The following MTA3 variants were observed in gnomAD, a reference collection of about 807,000 sequenced individuals.
The protein encoded by MTA3 is metastasis-associated protein MTA3.
Under a neutral mutation model 83.5 loss-of-function variants are expected in MTA3, and 34 were observed. The ratio of observed to expected loss-of-function variants is 0.41; its 90% CI spans 0.31 to 0.54. The LOEUF is 0.54. MTA3 is among the 20% of genes least tolerant of loss of function. MTA3 has a pLI of 0.33. For synonymous variants in MTA3, 303 were observed against 252.7 expected (o/e 1.20, Z -1.89); for missense variants, 761 against 726.4 (o/e 1.05, Z -0.55).
rs1196568721 is a variant in MTA3, at chr2:42,754,771, A to G, written c.*1372A>G. On this transcript the variant is annotated 3_prime_UTR_variant, in exon 17 of 17. Coordinates refer to ENST00000405094, the MANE Select transcript of MTA3 (RefSeq NM_001330442.2). Reference sequence around the variant, plus strand: ...TGCAAGACAGAGTGGCTACAATTGAATTGACACCCTGGGAAGCACGAGGTA... The same window carrying G: ...TGCAAGACAGAGTGGCTACAATTGAGTTGACACCCTGGGAAGCACGAGGTA... 1 of 985,382 alleles carries G rather than the reference A, an allele frequency of 1.0e-6. No individual in the cohort carries two copies. The highest frequency in any genetic ancestry group is 1.2e-6 in the Non-Finnish European group (1 of 829,982). 61.0% of individuals were successfully genotyped at this position (985,382 alleles called of 1,614,324 possible). A position where few individuals can be genotyped will look rare whatever the true frequency, so the allele number is the denominator to read the frequency against.
intron 15 of MTA3, among the ~76,000 whole-genome samples, chr2:42,721,384 A>G (rs181118694): frequency 6.0e-5 from 9 of 150,916 alleles, no homozygotes; most frequent in East Asian, 1.9e-4. Context: ...CTGGAATACA[A>G]TGTCTCCATC....
chr2:42,590,387 C>CT (rs1177976726), intron 3 of MTA3, among the ~76,000 whole-genome samples: 3 of 152,132 alleles, frequency 2.0e-5, no homozygotes, highest in Admixed American at 2.0e-4. Flanking sequence ...ACCTTGCTTC[C>CT]TTTCTTGCCA....
intron 2 of MTA3, among the ~76,000 whole-genome samples, chr2:42,526,905 T>C (rs998083754): frequency 6.6e-6 from 1 of 151,576 alleles, no homozygotes; most frequent in African/African-American, 2.4e-5. Flanking sequence ...ATAACAAAAA[T>C]TAGCTGAGTG....
At position 42,684,848 on chromosome 2, in the gene MTA3, C is replaced by T. The variant is rs988116652; in HGVS notation, c.891+2259C>T. Among the ~76,000 whole-genome samples, 15 of 152,176 alleles carry T rather than the reference C, an allele frequency of 9.9e-5. 1 individual carries two copies. Among genetic ancestry groups the T allele is most frequent in the Non-Finnish European group, 1.5e-5 (1 of 68,034 alleles). On this transcript the variant is annotated intron_variant, in intron 9 of 16. Coordinates refer to ENST00000405094, the MANE Select transcript of MTA3 (RefSeq NM_001330442.2). The stretch of plus-strand genomic sequence containing the variant: ...CATGCAACAAAAATTGAATGTGGTC[C>T]TTACTTCAAGGAATTAGTTCACAGT...
intron 2 of MTA3, among the ~76,000 whole-genome samples, chr2:42,497,749 G>A (rs1674213075): frequency 6.6e-6 from 1 of 152,118 alleles, no homozygotes; most frequent in Non-Finnish European, 1.5e-5. Context: ...ATCCAAAGGG[G>A]TAATGAAAAG....
chr2:42,664,450 C>T (rs937274720), intron 8 of MTA3, among the ~76,000 whole-genome samples: 2 of 149,038 alleles, frequency 1.3e-5, no homozygotes, highest in African/African-American at 2.5e-5. Context: ...TCCTACTACC[C>T]CCTCACCCCG....
At chr2:42,611,924 C>T (rs1684271549) in intron 4 of MTA3, among the ~76,000 whole-genome samples, 1 of 152,168 alleles carries the variant, frequency 6.6e-6, no homozygotes, top group South Asian at 2.1e-4. Context: ...GCCTCAGTCT[C>T]CTGAATGGCT....
intron 16 of MTA3, 32 bp downstream of exon 16, chr2:42,723,067 C>T: frequency 6.5e-7 from 1 of 1,547,502 alleles, no homozygotes; most frequent in Non-Finnish European, 8.7e-7. Context: ...GGAGGCTGTT[C>T]TGATAGAGTG....
intron 16 of MTA3, among the ~76,000 whole-genome samples, chr2:42,748,647 C>T (rs958724138): frequency 7.2e-5 from 11 of 152,156 alleles, no homozygotes; most frequent in Admixed American, 6.5e-4. Context: ...TAAGTCCATA[C>T]CTGCTAATTC....
chr2:42,724,273 GAA>G (rs1553396459), intron 16 of MTA3, among the ~76,000 whole-genome samples: 11,483 of 86,792 alleles, frequency 0.13, 1,285 homozygotes, highest in African/African-American at 0.17. Context: ...AGTAAGTCCT[GAA>G]AAACACACAC....
chr2:42,663,477 A>G (rs1402757590), intron 8 of MTA3, among the ~76,000 whole-genome samples: 1 of 152,202 alleles, frequency 6.6e-6, no homozygotes, highest in African/African-American at 2.4e-5. Context: ...ACATCATTTT[A>G]TGGCCAAGTA....
upstream of MTA3, among the ~76,000 whole-genome samples, chr2:42,494,413 G>A (rs1674034928): frequency 1.3e-5 from 2 of 152,240 alleles, no homozygotes; most frequent in South Asian, 4.1e-4. Context: ...TCCAGAAACT[G>A]TCCGGAGCCC....
intron 3 of MTA3, among the ~76,000 whole-genome samples, chr2:42,600,597 A>G (rs999237714): frequency 2.0e-5 from 3 of 151,198 alleles, no homozygotes; most frequent in African/African-American, 7.3e-5. Context: ...GCTGGAGTGC[A>G]GTGGTGTGAT....
chr2:42,736,976 C>T (rs1668656592), intron 16 of MTA3, among the ~76,000 whole-genome samples: 1 of 152,200 alleles, frequency 6.6e-6, no homozygotes, highest in East Asian at 1.9e-4. Flanking sequence ...CCCCATCCTA[C>T]TGTGGCTGAG....
intron 9 of MTA3, among the ~76,000 whole-genome samples, chr2:42,692,089 A>G (rs1692951531): frequency 1.3e-5 from 2 of 152,092 alleles, no homozygotes; most frequent in Non-Finnish European, 2.9e-5. Flanking sequence ...TTTAAGGCCA[A>G]TAACTCTTAG....
At chr2:42,503,979 A>G (rs1674514279) in intron 2 of MTA3, among the ~76,000 whole-genome samples, 1 of 129,008 alleles carries the variant, frequency 7.8e-6, no homozygotes, top group African/African-American at 3.1e-5. Flanking sequence ...GCTGGTGTGC[A>G]GTGGCATGAT....
At position 42,620,119 on chromosome 2, in the gene MTA3, CT is replaced by C. The variant is rs765658192; in HGVS notation, c.317+10555del. Among the ~76,000 whole-genome samples the C allele has an allele frequency of 3.8e-3, 516 of 134,864 alleles. 1 individual carries two copies. Among genetic ancestry groups the C allele is most frequent in the Middle Eastern group, 7.8e-3 (2 of 258 alleles). The allele number at this position is 134,864 out of a possible 152,430, so 88.5% of individuals were successfully genotyped here. A position where few individuals can be genotyped will look rare whatever the true frequency, so the allele number is the denominator to read the frequency against. On this transcript the variant is annotated intron_variant, in intron 4 of 16. Transcript: ENST00000405094. ...TGTATTGTTTCAAGACATCACACATCTTTTTTTTTTTTTTTTTTTTAAAGAG... is the reference window on the plus strand; with the variant it reads ...TGTATTGTTTCAAGACATCACACATCTTTTTTTTTTTTTTTTTTTAAAGAG...
intron 2 of MTA3, among the ~76,000 whole-genome samples, chr2:42,540,233 G>T (rs1176163868): frequency 6.8e-6 from 1 of 146,486 alleles, no homozygotes; most frequent in African/African-American, 2.5e-5. Flanking sequence ...TGGTGCAATG[G>T]CAGGATCATA....
chr2:42,585,039 CT>C (rs1171279336), intron 3 of MTA3, among the ~76,000 whole-genome samples: 5 of 151,188 alleles, frequency 3.3e-5, no homozygotes, highest in African/African-American at 1.2e-4. Context: ...TCAAGCAATT[CT>C]CCTGTCTCAG....
Sources: allele counts gnomAD v4.1 joint callset (sites outside exome capture counted in the v4.1 genomes callset), GRCh38; gene constraint gnomAD v4.1.1; transcripts MANE v1.5; gene names NCBI Gene and HGNC (gene_info 2026-07-23, HGNC 2026-07-21).